The following CCSER1 variants were observed in gnomAD, a reference collection of about 807,000 sequenced individuals.
CCSER1 encodes the protein serine-rich coiled-coil domain-containing protein 1.
Under a neutral mutation model 82.0 loss-of-function variants are expected in CCSER1, and 41 were observed. The ratio of observed to expected loss-of-function variants is 0.50; its 90% confidence interval spans 0.39 to 0.65. CCSER1 has a LOEUF of 0.65. Ranked by LOEUF, CCSER1 falls within the 30% of genes least tolerant of loss-of-function variation. The pLI is 0.00. For synonymous variants in CCSER1, 414 were observed against 383.9 expected (o/e 1.08, Z -0.92); for missense variants, 1,119 against 1,064.2 (o/e 1.05, Z -0.72).
intron 7 of CCSER1, among the ~76,000 whole-genome samples, chr4:90,776,163 C>A (rs1401316852): frequency 6.6e-6 from 1 of 152,080 alleles, no homozygotes; most frequent in Non-Finnish European, 1.5e-5. Context: ...TGAGGTAATG[C>A]AATTCCTCTT....
chr4:91,197,250 C>G (rs1735518575), intron 10 of CCSER1, among the ~76,000 whole-genome samples: 1 of 152,200 alleles, frequency 6.6e-6, no homozygotes, highest in South Asian at 2.1e-4. Flanking sequence ...GCTTTCTCCC[C>G]ATATAAGGCT....
intron 10 of CCSER1, among the ~76,000 whole-genome samples, chr4:91,480,325 T>C (rs980679318): frequency 1.3e-5 from 2 of 152,208 alleles, no homozygotes; most frequent in Admixed American, 6.5e-5. Context: ...CACACTGACT[T>C]CCAGCATGGT....
intron 4 of CCSER1, among the ~76,000 whole-genome samples, chr4:90,425,068 G>A (rs769964213): frequency 6.6e-6 from 1 of 152,144 alleles, no homozygotes; most frequent in East Asian, 1.9e-4. Context: ...ACGGCCCTTG[G>A]TCTGGCATCA....
intron 9 of CCSER1, among the ~76,000 whole-genome samples, chr4:91,002,715 C>T (rs1046372415): frequency 5.3e-5 from 8 of 152,178 alleles, no homozygotes; most frequent in African/African-American, 1.9e-4. Context: ...TCCTGATTAA[C>T]TTAGTAACTG....
At chr4:90,873,990 A>G (rs141887861) in intron 8 of CCSER1, among the ~76,000 whole-genome samples, 23 of 152,242 alleles carry the variant, frequency 1.5e-4, no homozygotes, top group Non-Finnish European at 3.1e-4. Flanking sequence ...TAAATGTGTT[A>G]AAGAACCTTT....
chr4:90,436,134 A>C (rs965624778), intron 4 of CCSER1, among the ~76,000 whole-genome samples: 1 of 152,162 alleles, frequency 6.6e-6, no homozygotes, highest in East Asian at 1.9e-4. Context: ...TAAAGCACAT[A>C]ACAGAAAAAA....
intron 5 of CCSER1, among the ~76,000 whole-genome samples, chr4:90,526,268 G>T (rs768121418): frequency 1.3e-5 from 2 of 151,904 alleles, no homozygotes; most frequent in South Asian, 2.1e-4. Context: ...AACCAATTTC[G>T]CTGTATTTCA....
intron 7 of CCSER1, among the ~76,000 whole-genome samples, chr4:90,759,726 T>C (rs1245616861): frequency 6.6e-6 from 1 of 152,118 alleles, no homozygotes; most frequent in Non-Finnish European, 1.5e-5. Flanking sequence ...CCCACTGTGG[T>C]TTTCACGATC....
intron 7 of CCSER1, chr4:90,727,120 T>A: frequency 2.5e-6 from 1 of 395,480 alleles, no homozygotes; most frequent in Non-Finnish European, 5.0e-6. Context: ...CAGATTCTTT[T>A]ACCTTTATAA....
Position 91,369,871 on chromosome 4 carries a change from G to A in CCSER1, c.2218-228701G>A, listed in dbSNP as rs148163397. Among the ~76,000 whole-genome samples, 929 of 150,140 alleles carry A rather than the reference G, an allele frequency of 6.2e-3. 14 individuals carry two copies. Among genetic ancestry groups the A allele is most frequent in the African/African-American group, 0.021 (863 of 40,838 alleles). ...TTTTGTATTTTTTTTTAGGAGAGAC[G>A]GGGTTTCACCATGTTGGCCAGGATG... On this transcript the variant is annotated intron_variant, in intron 10 of 10. Transcript: ENST00000509176.
chr4:91,439,341 A>G (rs1292588574), intron 10 of CCSER1, among the ~76,000 whole-genome samples: 1 of 152,138 alleles, frequency 6.6e-6, no homozygotes, highest in Admixed American at 6.6e-5. Flanking sequence ...ATTCTTAAAG[A>G]AAAGAATTTT....
chr4:90,778,537 A>AAAC (rs1554011734), intron 7 of CCSER1, among the ~76,000 whole-genome samples: 4 of 151,206 alleles, frequency 2.6e-5, no homozygotes, highest in East Asian at 3.9e-4. Flanking sequence ...TAAAAAAAAA[A>AAAC]AAACACAAAA....
chr4:91,371,995 T>C (rs998506660), intron 10 of CCSER1, among the ~76,000 whole-genome samples: 6 of 152,194 alleles, frequency 3.9e-5, no homozygotes. Flanking sequence ...ACCTCAAAGA[T>C]GTACTGACTT....
At chr4:90,725,719 A>G (rs1202844306) in intron 7 of CCSER1, among the ~76,000 whole-genome samples, 3 of 151,796 alleles carry the variant, frequency 2.0e-5, no homozygotes, top group Non-Finnish European at 3.0e-5. Flanking sequence ...ATACAGAACT[A>G]TTTTGAACAG....
At chr4:91,572,460 T>A (rs560838395) in intron 10 of CCSER1, among the ~76,000 whole-genome samples, 63 of 152,132 alleles carry the variant, frequency 4.1e-4, no homozygotes, top group African/African-American at 1.4e-3. Context: ...TCAGTTCAAT[T>A]CCTGGTTGCC....
chr4:91,344,499 T>C (rs948599577), intron 10 of CCSER1, among the ~76,000 whole-genome samples: 1 of 152,162 alleles, frequency 6.6e-6, no homozygotes, highest in Non-Finnish European at 1.5e-5. Flanking sequence ...ATAGACATGG[T>C]TTATAAGTGT....
intron 10 of CCSER1, among the ~76,000 whole-genome samples, chr4:91,194,163 T>A (rs184799324): frequency 6.6e-6 from 1 of 152,058 alleles, no homozygotes; most frequent in Non-Finnish European, 1.5e-5. Context: ...AGAGACGGAG[T>A]TTCACCACAT....
At chr4:91,305,700 C>A (rs28636669) in intron 10 of CCSER1, among the ~76,000 whole-genome samples, 3,086 of 149,802 alleles carry the variant, frequency 0.021, 85 homozygotes, top group African/African-American at 0.069. Flanking sequence ...AGTCTGTTCT[C>A]ATGCTGCTAA....
chr4:90,862,586 C>T (rs767350821), intron 8 of CCSER1, among the ~76,000 whole-genome samples: 15 of 151,910 alleles, frequency 9.9e-5, no homozygotes, highest in Non-Finnish European at 1.6e-4. Flanking sequence ...AACTCTATCA[C>T]TTAAGGATTT....
Sources: allele counts gnomAD v4.1 joint callset (sites outside exome capture counted in the v4.1 genomes callset), GRCh38; gene constraint gnomAD v4.1.1; transcripts MANE v1.5; gene names NCBI Gene and HGNC (gene_info 2026-07-23, HGNC 2026-07-21).